Variants in CPA6 observed in about 807,000 individuals in gnomAD.
The protein encoded by CPA6 is carboxypeptidase A6, also known as carboxypeptidase B.
Under a neutral mutation model 63.3 loss-of-function variants are expected in CPA6, and 58 were observed. That is an observed-to-expected ratio of 0.92 (90% CI 0.74 to 1.14). The LOEUF is 1.14. Ranked by LOEUF, CPA6 falls within the 50% of genes most tolerant of loss-of-function variation. The pLI, the probability that CPA6 is intolerant of heterozygous loss-of-function variation, is 0.00. For missense variants in CPA6, 565 were observed against 526.6 expected (o/e 1.07, Z -0.71); for synonymous variants, 185 against 179.0 (o/e 1.03, Z -0.27).
intron 3 of CPA6, among the ~76,000 whole-genome samples, chr8:67,516,741 C>T (rs1390642906): frequency 6.6e-6 from 1 of 152,138 alleles, no homozygotes; most frequent in Non-Finnish European, 1.5e-5. Flanking sequence ...CCATCTCTTT[C>T]TTTAAAGTCT....
rs137860951 is a variant in CPA6, at chr8:67,541,289, C to G, written c.193-23242G>C. ...CAGTCCCTCATGGTAAGGGAGGAGACTACCCCTCATATTGTCTTATGCCTA... is the reference window on the plus strand; with the variant it reads ...CAGTCCCTCATGGTAAGGGAGGAGAGTACCCCTCATATTGTCTTATGCCTA... On this transcript the variant is annotated intron_variant, in intron 2 of 10. Coordinates refer to ENST00000297770, the MANE Select transcript of CPA6 (RefSeq NM_020361.5). 2.7e-3 allele frequency among the ~76,000 whole-genome samples: 413 copies of G among 152,208 alleles called. 4 individuals carry two copies. The highest frequency in any genetic ancestry group is 9.1e-3 in the African/African-American group (379 of 41,524).
chr8:67,511,781 C>A, intron 3 of CPA6, 126 bp from the exon 4 acceptor site: 2 of 632,848 alleles, frequency 3.2e-6, no homozygotes, highest in Non-Finnish European at 5.7e-6. Context: ...CCTAAAAATA[C>A]CAAATGTTGG....
intron 1 of CPA6, among the ~76,000 whole-genome samples, chr8:67,697,132 C>T (rs1184381605): frequency 1.3e-5 from 2 of 152,168 alleles, no homozygotes; most frequent in African/African-American, 4.8e-5. Context: ...AACCCAAGTC[C>T]ATGTTGGTAA....
intron 2 of CPA6, among the ~76,000 whole-genome samples, chr8:67,579,547 C>T (rs1202876199): frequency 6.6e-6 from 1 of 152,116 alleles, no homozygotes; most frequent in Non-Finnish European, 1.5e-5. Flanking sequence ...ATAGATTGTT[C>T]CAGTGATTAT....
chr8:67,460,732 T>C (rs1810780905), intron 8 of CPA6, among the ~76,000 whole-genome samples: 2 of 152,228 alleles, frequency 1.3e-5, no homozygotes, highest in South Asian at 4.1e-4. Context: ...TATATCACAT[T>C]AAAGAAATTG....
intron 6 of CPA6, among the ~76,000 whole-genome samples, chr8:67,502,672 T>C (rs1329299864): frequency 6.6e-6 from 1 of 152,194 alleles, no homozygotes; most frequent in Non-Finnish European, 1.5e-5. Context: ...TTTTGATATG[T>C]TGTATTTTCA....
intron 8 of CPA6, among the ~76,000 whole-genome samples, chr8:67,461,357 TCAGAGAGCA>T (rs1810799121): frequency 6.8e-6 from 1 of 147,200 alleles, no homozygotes; most frequent in South Asian, 2.2e-4. Context: ...AGCACACGTT[TCAGAGAGCA>T]CAGGGTTGGG....
intron 3 of CPA6, among the ~76,000 whole-genome samples, chr8:67,516,664 C>T (rs142615481): frequency 5.1e-4 from 77 of 152,328 alleles, no homozygotes; most frequent in African/African-American, 1.8e-3. Flanking sequence ...TTTCTATTGC[C>T]AGATCCAAAG....
At chr8:67,703,018 C>A (rs1002312035) in intron 1 of CPA6, among the ~76,000 whole-genome samples, 5 of 152,190 alleles carry the variant, frequency 3.3e-5, no homozygotes, top group African/African-American at 1.2e-4. Context: ...TGGATGAATT[C>A]TTTCCTCTGA....
At chr8:67,592,913 T>G (rs2128981368) in intron 2 of CPA6, among the ~76,000 whole-genome samples, 1 of 152,154 alleles carries the variant, frequency 6.6e-6, no homozygotes, top group South Asian at 2.1e-4. Context: ...TAGTTATTTC[T>G]TGCCTTCTGC....
At chr8:67,481,934 C>T (rs929053701) in intron 8 of CPA6, among the ~76,000 whole-genome samples, 1 of 152,182 alleles carries the variant, frequency 6.6e-6, no homozygotes, top group African/African-American at 2.4e-5. Context: ...CCCATCACTT[C>T]CAACAGTCTA....
At chr8:67,593,382 C>A (rs1814192822) in intron 2 of CPA6, among the ~76,000 whole-genome samples, 1 of 152,026 alleles carries the variant, frequency 6.6e-6, no homozygotes, top group Non-Finnish European at 1.5e-5. Flanking sequence ...GTGGAGAGTT[C>A]TGTAGATGTC....
At chr8:67,427,797 A>C (rs890045960) in intron 10 of CPA6, among the ~76,000 whole-genome samples, 5 of 152,146 alleles carry the variant, frequency 3.3e-5, no homozygotes, top group Non-Finnish European at 7.3e-5. Flanking sequence ...TAAGCTCTCA[A>C]ATGAGCTTGT....
chr8:67,500,578 G>A (rs1811811236), intron 6 of CPA6, among the ~76,000 whole-genome samples: 1 of 152,014 alleles, frequency 6.6e-6, no homozygotes, highest in Non-Finnish European at 1.5e-5. Context: ...TATGGAGCAT[G>A]TTTTTGGTGT....
chr8:67,654,798 C>T (rs144656102), intron 1 of CPA6, among the ~76,000 whole-genome samples: 525 of 152,174 alleles, frequency 3.4e-3, no homozygotes, highest in African/African-American at 0.011. Context: ...TTCTAACATA[C>T]GTAAATTGGT....
rs144133322 is a variant in CPA6 at position 67,636,805 on chromosome 8, A to G, written c.117-12554T>C. On this transcript the variant is annotated intron_variant, in intron 1 of 10. Coordinates refer to ENST00000297770, the MANE Select transcript of CPA6 (RefSeq NM_020361.5). The stretch of plus-strand genomic sequence containing the variant: ...ATCCATTAGGTAATTCCACCTAGAA[A>G]AATTAATGTTCACATGCAGATTCTC... Among the ~76,000 whole-genome samples the G allele has an allele frequency of 9.2e-3, 1,399 of 151,776 alleles. 88 individuals are homozygous for G. Among genetic ancestry groups the G allele is most frequent in the African/African-American group, 0.032 (1,324 of 41,036 alleles).
chr8:67,725,106 A>G (rs1004247871), intron 1 of CPA6, among the ~76,000 whole-genome samples: 1 of 152,116 alleles, frequency 6.6e-6, no homozygotes, highest in African/African-American at 2.4e-5. Context: ...AGTGCTTAGC[A>G]TGGTTCCAGG....
intron 1 of CPA6, among the ~76,000 whole-genome samples, chr8:67,682,237 T>C (rs1440827314): frequency 6.6e-6 from 1 of 152,222 alleles, no homozygotes; most frequent in Admixed American, 6.5e-5. Flanking sequence ...TCTTTTTCTC[T>C]GTGTATTTCG....
chr8:67,703,454 A>AATCCACACC (rs1817067584), intron 1 of CPA6, among the ~76,000 whole-genome samples: 2 of 152,274 alleles, frequency 1.3e-5, no homozygotes, highest in Admixed American at 1.3e-4. Flanking sequence ...CTTTCCCCAA[A>AATCCACACC]ATCCACACCA....
Sources: allele counts gnomAD v4.1 joint callset (sites outside exome capture counted in the v4.1 genomes callset), GRCh38; gene constraint gnomAD v4.1.1; transcripts MANE v1.5; gene names NCBI Gene and HGNC (gene_info 2026-07-23, HGNC 2026-07-21).